The following CTNNA2 variants were observed in gnomAD, a reference collection of about 807,000 sequenced individuals.
The protein encoded by CTNNA2 is catenin alpha 2.
A neutral mutation model predicts 101.0 loss-of-function variants in CTNNA2; 42 were observed. The ratio of observed to expected loss-of-function variants is 0.42; its 90% CI spans 0.32 to 0.54. The LOEUF is 0.54. Ranked by LOEUF, CTNNA2 falls within the 20% of genes least tolerant of loss-of-function variation. The pLI, the probability that CTNNA2 is intolerant of heterozygous loss-of-function variation, is 0.14. For missense variants in CTNNA2, 871 were observed against 1,223.1 expected, an observed-to-expected ratio of 0.71 and a Z score of 4.29; for synonymous variants, 450 against 456.4, an observed-to-expected ratio of 0.99 and a Z score of 0.18.
intron 4 of CTNNA2, among the ~76,000 whole-genome samples, chr2:79,490,359 C>T (rs1207867886): frequency 6.6e-6 from 1 of 152,118 alleles, no homozygotes; most frequent in Non-Finnish European, 1.5e-5. Context: ...GTCTCTGCTT[C>T]ACCTCAGTAG....
chr2:79,785,987 A>G (rs914222226), intron 3 of CTNNA2, among the ~76,000 whole-genome samples: 3 of 152,310 alleles, frequency 2.0e-5, no homozygotes, highest in Middle Eastern at 3.4e-3. Flanking sequence ...AAATTGAGGG[A>G]AGAAGGAGGT....
intron 2 of CTNNA2, among the ~76,000 whole-genome samples, chr2:79,743,404 G>A (rs1385095156): frequency 1.3e-5 from 2 of 152,046 alleles, no homozygotes; most frequent in African/African-American, 4.8e-5. Context: ...TCCAAATTAT[G>A]ATACTTAGAA....
intron 7 of CTNNA2, among the ~76,000 whole-genome samples, chr2:80,258,666 C>T (rs1672361765): frequency 6.6e-6 from 1 of 152,142 alleles, no homozygotes; most frequent in African/African-American, 2.4e-5. Flanking sequence ...TTGAGAACTG[C>T]TTCAGTGGAA....
chr2:80,620,641 A>T (rs886932557), intron 18 of CTNNA2, among the ~76,000 whole-genome samples: 8 of 151,920 alleles, frequency 5.3e-5, no homozygotes, highest in African/African-American at 1.9e-4. Flanking sequence ...CCAGAGTCTT[A>T]TATGTTGGTT....
intron 12 of CTNNA2, among the ~76,000 whole-genome samples, chr2:80,567,929 C>T (rs1694206124): frequency 6.6e-6 from 1 of 152,034 alleles, no homozygotes; most frequent in Admixed American, 6.6e-5. Context: ...CTCTCTCGAA[C>T]AGGGGCTTTG....
intron 7 of CTNNA2, among the ~76,000 whole-genome samples, chr2:80,006,439 T>C (rs913922083): frequency 1.2e-4 from 18 of 151,676 alleles, no homozygotes; most frequent in South Asian, 2.1e-4. Flanking sequence ...AGCTCATTTG[T>C]AAGAGAGTTG....
At chr2:79,984,425 A>G (rs528833728) in intron 7 of CTNNA2, among the ~76,000 whole-genome samples, 3 of 152,316 alleles carry the variant, frequency 2.0e-5, no homozygotes, top group African/African-American at 7.2e-5. Context: ...CTCATTTATC[A>G]TGCTGGTCTC....
chr2:79,809,247 C>T (rs1676817556), intron 3 of CTNNA2, among the ~76,000 whole-genome samples: 1 of 152,168 alleles, frequency 6.6e-6, no homozygotes, highest in African/African-American at 2.4e-5. Flanking sequence ...CTGTGATAAA[C>T]ATATGTGTGC....
At chr2:80,417,011 T>C (rs1279284656) in intron 8 of CTNNA2, among the ~76,000 whole-genome samples, 1 of 151,976 alleles carries the variant, frequency 6.6e-6, no homozygotes, top group East Asian at 1.9e-4. Flanking sequence ...TGAAATGCAG[T>C]TTTTTCCCCC....
At chr2:79,884,687 AT>A (rs1683704598) in intron 6 of CTNNA2, among the ~76,000 whole-genome samples, 1 of 148,982 alleles carries the variant, frequency 6.7e-6, no homozygotes, top group Admixed American at 6.7e-5. Context: ...TTTTTACCTA[AT>A]TTTCCCTACC....
At chr2:79,262,343 A>C (rs1368547970) in intron 2 of CTNNA2, among the ~76,000 whole-genome samples, 2 of 152,182 alleles carry the variant, frequency 1.3e-5, no homozygotes, top group Non-Finnish European at 2.9e-5. Flanking sequence ...CTCAAGAAAA[A>C]CAAGATCAAT....
chr2:79,531,745 G>A (rs1326971400), intron 1 of CTNNA2, among the ~76,000 whole-genome samples: 3 of 151,218 alleles, frequency 2.0e-5, no homozygotes, highest in African/African-American at 7.3e-5. Context: ...GCAATGGCAT[G>A]ATCTCGGCTC....
chr2:79,334,070 C>T (rs1335708050), intron 3 of CTNNA2, among the ~76,000 whole-genome samples: 1 of 152,116 alleles, frequency 6.6e-6, no homozygotes, highest in African/African-American at 2.4e-5. Context: ...AAACAGCTAT[C>T]ATGTCTTTGT....
chr2:79,370,728 A>G (rs1677851554), intron 3 of CTNNA2, among the ~76,000 whole-genome samples: 3 of 152,064 alleles, frequency 2.0e-5, no homozygotes. Context: ...ACTGTGCTTC[A>G]TTTTAGAGTT....
Position 80,302,724 on chromosome 2 carries a change from C to A in CTNNA2, c.1057-90487C>A. 1 of 1,613,002 alleles carries A rather than the reference C, an allele frequency of 6.2e-7. No homozygotes were observed. Among genetic ancestry groups the A allele is most frequent in the Non-Finnish European group, 8.5e-7 (1 of 1,179,854 alleles). Reference sequence around the variant, plus strand: ...AGGTGGCCGCTGGTGGGCTCGGCCCCATCCTCGCACAGGTGGAAGGCGTAC... The same window carrying A: ...AGGTGGCCGCTGGTGGGCTCGGCCCAATCCTCGCACAGGTGGAAGGCGTAC... On this transcript the variant is annotated intron_variant, in intron 7 of 18. Coordinates refer to ENST00000402739, the MANE Select transcript of CTNNA2 (RefSeq NM_001282597.3). This position sits in a 1 kb window ranked among gnomAD's most constrained non-coding sequence, Gnocchi z 6.4.
At chr2:79,507,268 G>C (rs1380480808) in intron 5 of CTNNA2, among the ~76,000 whole-genome samples, 1 of 152,206 alleles carries the variant, frequency 6.6e-6, no homozygotes, top group African/African-American at 2.4e-5. Context: ...ACTGCGGTTT[G>C]AATGTGTCCC....
At chr2:80,293,707 C>G (rs569250183) in intron 7 of CTNNA2, among the ~76,000 whole-genome samples, 1 of 152,298 alleles carries the variant, frequency 6.6e-6, no homozygotes, top group East Asian at 1.9e-4. Context: ...ATTATCACCA[C>G]TCCACCGATC....
intron 3 of CTNNA2, among the ~76,000 whole-genome samples, chr2:79,356,276 C>A (rs1229725410): frequency 6.6e-6 from 1 of 151,398 alleles, no homozygotes; most frequent in Non-Finnish European, 1.5e-5. Flanking sequence ...TTATTTAAGT[C>A]CTCTACTCAT....
intron 7 of CTNNA2, among the ~76,000 whole-genome samples, chr2:80,213,713 A>G (rs1041772686): frequency 2.0e-5 from 3 of 152,130 alleles, no homozygotes; most frequent in Admixed American, 6.6e-5. Context: ...GGAGAGTTCT[A>G]TAGATGTCTA....
Sources: allele counts gnomAD v4.1 joint callset (sites outside exome capture counted in the v4.1 genomes callset), GRCh38; gene constraint gnomAD v4.1.1; non-coding constraint Gnocchi (gnomAD v3.1); transcripts MANE v1.5; gene names NCBI Gene and HGNC (gene_info 2026-07-23, HGNC 2026-07-21).